ADH4: variants seen among roughly 807,000 people sequenced by gnomAD.
ADH4 encodes all-trans-retinol dehydrogenase [NAD(+)] ADH4.
A neutral mutation model predicts 35.2 loss-of-function variants in ADH4; 31 were observed. That is an observed-to-expected ratio of 0.88 (90% confidence interval 0.66 to 1.19). The LOEUF (loss-of-function observed/expected upper bound fraction) is 1.19, where lower values mean the gene tolerates loss of function less well. Ranked by LOEUF, ADH4 falls within the 50% of genes most tolerant of loss-of-function variation. ADH4 has a pLI of 0.00. For missense variants in ADH4, 476 were observed against 458.3 expected (o/e 1.04, Z -0.35); for synonymous variants, 171 against 160.2 (o/e 1.07, Z -0.51).
At chr4:99,130,691 T>C (rs1269881271) in intron 6 of ADH4, among the ~76,000 whole-genome samples, 2 of 152,178 alleles carry the variant, frequency 1.3e-5, no homozygotes, top group Non-Finnish European at 2.9e-5. Flanking sequence ...GGTTCTCAAC[T>C]TGAGAAATTA....
rs29001230 is a variant in ADH4 at position 99,125,547 on chromosome 4, C to A, written c.1118+1047G>T. 1.4e-3 allele frequency among the ~76,000 whole-genome samples: 219 copies of A among 152,322 alleles called. 1 individual carries two copies. Among genetic ancestry groups the A allele is most frequent in the African/African-American group, 5.1e-3 (214 of 41,568 alleles). ...CCCCACTTCAACTTCTATCTCCTAA[C>A]TTGAGGAGTATTCCTTATGGGGATA... On this transcript the variant is annotated intron_variant, in intron 8 of 8. Coordinates refer to ENST00000265512, the MANE Select transcript of ADH4 (RefSeq NM_000670.5).
intron 6 of ADH4, among the ~76,000 whole-genome samples, chr4:99,128,746 C>T (rs1041852667): frequency 1.3e-5 from 2 of 151,980 alleles, no homozygotes; most frequent in Non-Finnish European, 2.9e-5. Flanking sequence ...TCTAAGTTTT[C>T]ATGAAAATTT....
chr4:99,125,843 T>C (rs971257075), intron 8 of ADH4, among the ~76,000 whole-genome samples: 11 of 152,192 alleles, frequency 7.2e-5, no homozygotes, highest in Non-Finnish European at 1.5e-4. Flanking sequence ...TACTTTAGAC[T>C]TTTCCTCCTC....
At chr4:99,135,120 T>G (rs961144696) in intron 5 of ADH4, among the ~76,000 whole-genome samples, 5 of 151,976 alleles carry the variant, frequency 3.3e-5, no homozygotes, top group Admixed American at 1.3e-4. Context: ...ATGGGAGATT[T>G]CTCTATAGTG....
chr4:99,143,014 TGA>T, intron 1 of ADH4: 1 of 557,120 alleles, frequency 1.8e-6, no homozygotes, highest in African/African-American at 3.9e-5. Flanking sequence ...TTTTATTTCT[TGA>T]AAAAAAAACA....
In ADH4 at chr4:99,136,635, C is replaced by T. The variant is rs1303293724; in HGVS notation, c.413G>A (p.Cys138Tyr). The change falls in exon 5 of 9, where the codon TGC becomes TAC. Residue 138 changes from cysteine (C) to tyrosine (Y), a missense_variant. By Grantham distance (194) the Cys-to-Tyr change is radical. Coordinates refer to ENST00000265512, the MANE Select transcript of ADH4 (RefSeq NM_000670.5). ...GAAATGGTAAACTGGTTTTCCTTTG[C>T]AGGTAAACCTGCTGGTTTTGTCTTC... ...LMEDKTSRFT[C>Y]KGKPVYHFFG... 2.5e-6 allele frequency: 4 copies of T among 1,613,936 alleles called. No homozygotes were observed. Among genetic ancestry groups the T allele is most frequent in the Non-Finnish European group, 3.4e-6 (4 of 1,179,996 alleles).
At chr4:99,143,586 T>G (rs1729707453) in intron 1 of ADH4, among the ~76,000 whole-genome samples, 1 of 152,206 alleles carries the variant, frequency 6.6e-6, no homozygotes. Context: ...TATGCTTACA[T>G]TTGGTATACT....
At position 99,126,737 on chromosome 4, in the gene ADH4, A is replaced by G. The variant is rs1483014214; in HGVS notation, c.980-5T>C. 1.9e-6 allele frequency: 3 copies of G among 1,585,868 alleles called. No homozygotes were observed. Among genetic ancestry groups the G allele is most frequent in the African/African-American group, 2.7e-5 (2 of 74,652 alleles). ...TAGAATCTACACTTTTCCAACCTGT[A>G]ATGTGGACAAAATGCAAAATAAAGA... On this transcript the variant is annotated splice_region_variant and splice_polypyrimidine_tract_variant and intron_variant, in intron 7 of 8. Transcript: ENST00000265512.
At chr4:99,129,406 A>C (rs1468013060) in intron 6 of ADH4, among the ~76,000 whole-genome samples, 1 of 152,132 alleles carries the variant, frequency 6.6e-6, no homozygotes, top group Non-Finnish European at 1.5e-5. Context: ...ATTTATAAAA[A>C]AATTTTGTAT....
chr4:99,143,142 T>A (rs29001171), intron 1 of ADH4: 1 of 701,764 alleles, frequency 1.4e-6, no homozygotes, highest in East Asian at 2.7e-5. Context: ...TTGAGTGAAC[T>A]GTTTGAAATC....
intron 4 of ADH4, among the ~76,000 whole-genome samples, chr4:99,137,556 C>A (rs1329485923): frequency 6.6e-6 from 1 of 152,166 alleles, no homozygotes; most frequent in Non-Finnish European, 1.5e-5. Context: ...CCCACCGCAC[C>A]CGGCCAGGGA....
At chr4:99,131,469 A>T in intron 6 of ADH4, 35 bp downstream of exon 6, 1 of 1,596,650 alleles carries the variant, frequency 6.3e-7, no homozygotes, top group Non-Finnish European at 8.5e-7. Context: ...CAAAGAATAC[A>T]TTGAAAATAT....
chr4:99,131,172 A>G (rs563157804), intron 6 of ADH4, among the ~76,000 whole-genome samples: 1 of 152,302 alleles, frequency 6.6e-6, no homozygotes, highest in Non-Finnish European at 1.5e-5. Flanking sequence ...ACAAAATTAG[A>G]AAATATTATC....
At chr4:99,136,785 A>C in intron 4 of ADH4, 88 bp from the exon 5 acceptor site, 1 of 839,786 alleles carries the variant, frequency 1.2e-6, no homozygotes, top group Admixed American at 2.8e-5. Flanking sequence ...TATGTTGAGC[A>C]TTATATATTT....
At chr4:99,137,294 A>AT (rs1013172840) in intron 4 of ADH4, among the ~76,000 whole-genome samples, 1 of 151,794 alleles carries the variant, frequency 6.6e-6, no homozygotes, top group Non-Finnish European at 1.5e-5. Flanking sequence ...GGCCCGGCTA[A>AT]TTTTTGTATT....
At chr4:99,142,129 G>A (rs1213147730) in intron 2 of ADH4, among the ~76,000 whole-genome samples, 1 of 152,106 alleles carries the variant, frequency 6.6e-6, no homozygotes, top group Non-Finnish European at 1.5e-5. Flanking sequence ...CTCTTAATGT[G>A]GGGGTCCTCA....
At chr4:99,143,224 G>C in intron 1 of ADH4, 1 of 702,012 alleles carries the variant, frequency 1.4e-6, no homozygotes, top group Non-Finnish European at 2.6e-6. Context: ...CTCGAAGTGT[G>C]GTCCTCGGAC....
chr4:99,126,574 G>A lies in ADH4; in HGVS notation c.1118+20C>T, dbSNP rs776036907. 47 of 1,565,350 alleles carry A rather than the reference G, an allele frequency of 3.0e-5. No individual in the cohort carries two copies. The highest frequency in any genetic ancestry group is 1.6e-4 in the South Asian group (14 of 85,452). ...TTGTAAACGTTTTTTAAATCATTCAGTCATCTATTAGTAATGTACCTTTTT... is the reference window on the plus strand; with the variant it reads ...TTGTAAACGTTTTTTAAATCATTCAATCATCTATTAGTAATGTACCTTTTT... On this transcript the variant is annotated intron_variant, in intron 8 of 8. Transcript: ENST00000265512.
At chr4:99,124,490 A>G (rs1579389056) in intron 8 of ADH4, 24 bp from the exon 9 acceptor site, 4 of 1,409,652 alleles carry the variant, frequency 2.8e-6, no homozygotes, top group Non-Finnish European at 2.9e-6. Context: ...TAAAACATTA[A>G]TAAGTATAAT....
Sources: gnomAD v4.1 joint callset for allele counts (sites outside exome capture counted in the v4.1 genomes callset) on GRCh38, gnomAD v4.1.1 for gene constraint, MANE v1.5 for transcripts, NCBI Gene and HGNC (gene_info 2026-07-23, HGNC 2026-07-21) for gene names.